ASNSD1: variants seen among roughly 807,000 people sequenced by gnomAD.
ASNSD1 encodes asparagine synthetase domain containing 1, also known as asparagine synthetase domain-containing protein 1.
Under a neutral mutation model 48.3 loss-of-function variants are expected in ASNSD1, and 36 were observed. The observed-to-expected ratio is 0.75, with a 90% confidence interval of 0.57 to 0.99. The LOEUF is 0.99. Ranked by LOEUF, ASNSD1 falls within the 50% of genes least tolerant of loss-of-function variation. ASNSD1 has a pLI of 0.00. For synonymous variants in ASNSD1, 257 were observed against 262.1 expected, an observed-to-expected ratio of 0.98 and a Z score of 0.19; for missense variants, 714 against 758.2, an observed-to-expected ratio of 0.94 and a Z score of 0.69.
At chr2:189,665,630 A>ATGTG (rs1553502080) in intron 3 of ASNSD1, among the ~76,000 whole-genome samples, 179 bp downstream of exon 3, 2 of 97,540 alleles carry the variant, frequency 2.1e-5, no homozygotes, top group Admixed American at 1.1e-4. Context: ...ATATATATAT[A>ATGTG]TATATATATA....
In ASNSD1 at chr2:189,670,364, TAGC is replaced by T; in HGVS notation, c.1647-76_1647-74del. 9 of 1,247,834 alleles carry T rather than the reference TAGC, an allele frequency of 7.2e-6. No homozygotes were observed. The South Asian group carries it at 1.1e-4, about 15-fold the overall frequency. The allele number at this position is 1,247,834 out of a possible 1,614,324, so 77.3% of individuals were successfully genotyped here. A position where few individuals can be genotyped will look rare whatever the true frequency, so the allele number is the denominator to read the frequency against. On this transcript the variant is annotated intron_variant, in intron 5 of 5. Coordinates refer to ENST00000260952, the MANE Select transcript of ASNSD1 (RefSeq NM_019048.4). ...GTTGTGAAACAATTTGGTTAAATTTTAGCTATAAAACTGTGTATAAATCAAAGC... is the reference window on the plus strand; with the variant it reads ...GTTGTGAAACAATTTGGTTAAATTTTTATAAAACTGTGTATAAATCAAAGC...
At position 189,667,791 on chromosome 2, in the gene ASNSD1, G is replaced by A. The variant is rs2032847691; in HGVS notation, c.1492G>A (p.Glu498Lys). Reference protein sequence around the residue: ...KVVLTGIGADEQLAGYSRHRV... With the variant: ...KVVLTGIGADKQLAGYSRHRV... ...AGTTCTCACTGGAATTGGTGCAGAT[G>A]AGCAACTTGCAGGTTATTCTCGTCA... is the stretch of plus-strand genomic sequence containing the variant. Residue 498 changes from glutamate (E) to lysine (K), a missense_variant, in exon 5 of 6, where the codon GAG becomes AAG. Coordinates refer to ENST00000260952, the MANE Select transcript of ASNSD1 (RefSeq NM_019048.4). The A allele has an allele frequency of 6.2e-7, 1 of 1,613,630 alleles. No individual in the cohort carries two copies. Among genetic ancestry groups the A allele is most frequent in the Non-Finnish European group, 8.5e-7 (1 of 1,179,892 alleles).
chr2:189,662,366 G>A (rs1574275554), intron 1 of ASNSD1, among the ~76,000 whole-genome samples: 1 of 152,304 alleles, frequency 6.6e-6, no homozygotes, highest in African/African-American at 2.4e-5. Flanking sequence ...ATGACATCTT[G>A]GGCAAGTCTC....
Position 189,666,289 on chromosome 2 carries a change from G to T in ASNSD1, c.157G>T (p.Val53Phe). Residue 53 changes from valine (V) to phenylalanine (F), a missense_variant, in exon 4 of 6, where the codon GTC (valine) becomes TTC (phenylalanine). Transcript: ENST00000260952. ...CTACCAGTGTTTATTTTCTGCTCAC[G>T]TCCTACACTTGAGGGGTGTTTTGAC... The part of the protein sequence containing the change: ...VNYQCLFSAH[V>F]LHLRGVLTTQ... 4.3e-6 allele frequency: 7 copies of T among 1,614,076 alleles called. No individual in the cohort carries two copies. The highest frequency in any genetic ancestry group is 5.9e-6 in the Non-Finnish European group (7 of 1,180,006).
chr2:189,665,957 C>T, intron 3 of ASNSD1, 84 bp from the exon 4 acceptor site: 1 of 577,512 alleles, frequency 1.7e-6, no homozygotes, highest in Non-Finnish European at 2.8e-6. Flanking sequence ...TTTTGGTAAA[C>T]AGCTTGTGTT....
In ASNSD1 at chr2:189,670,751, A is replaced by C. The variant is rs2032909387; in HGVS notation, c.*25A>C. 3.5e-6 allele frequency: 5 copies of C among 1,424,838 alleles called. No individual in the cohort carries two copies. The South Asian group carries it at 8.0e-5, about 23-fold the overall frequency. The allele number at this position is 1,424,838 out of a possible 1,614,324, so 88.3% of individuals were successfully genotyped here. On this transcript the variant is annotated 3_prime_UTR_variant, in exon 6 of 6. Transcript: ENST00000260952. Reference sequence around the variant, plus strand: ...ATGTGATTCACAATGTAACAATATAAAAATAAGTTTTTATATAATTATATA... The same window carrying C: ...ATGTGATTCACAATGTAACAATATACAAATAAGTTTTTATATAATTATATA...
At chr2:189,662,648 C>G (rs957328045) in intron 1 of ASNSD1, among the ~76,000 whole-genome samples, 1 of 152,158 alleles carries the variant, frequency 6.6e-6, no homozygotes, top group Non-Finnish European at 1.5e-5. Context: ...TTACAGATCC[C>G]TGAGGTGTGT....
At position 189,666,087 on chromosome 2, in the gene ASNSD1, A is replaced by G; in HGVS notation, c.-46A>G. 1.3e-6 allele frequency: 2 copies of G among 1,488,844 alleles called. No homozygotes were observed. Among genetic ancestry groups the G allele is most frequent in the Non-Finnish European group, 1.8e-6 (2 of 1,121,922 alleles). 92.2% of individuals were successfully genotyped at this position (1,488,844 alleles called of 1,614,324 possible). A position where few individuals can be genotyped will look rare whatever the true frequency, so the allele number is the denominator to read the frequency against. On this transcript the variant is annotated 5_prime_UTR_variant, in exon 4 of 6. Coordinates refer to ENST00000260952, the MANE Select transcript of ASNSD1 (RefSeq NM_019048.4). Reference sequence around the variant, plus strand: ...AAGAATACCAAGAAATAGAAAACTTAGACAAGACCAAAATCAAGAAATAGT... The same window carrying G: ...AAGAATACCAAGAAATAGAAAACTTGGACAAGACCAAAATCAAGAAATAGT...
Position 189,667,298 on chromosome 2 carries a change from T to TGC in ASNSD1, c.1166_1167insGC (p.Ala390LeufsTer25). 6.2e-7 allele frequency: 1 copy of TGC among 1,614,038 alleles called. No individual in the cohort carries two copies. The highest frequency in any genetic ancestry group is 8.5e-7 in the Non-Finnish European group (1 of 1,179,970). ...CCTTCAGAAGAATTCTCTAAAGATG[T>TGC]TGCTGCTGCTGCTGCTGACAGTCCT... On this transcript the variant is annotated frameshift_variant, in exon 4 of 6. Transcript: ENST00000260952. LOFTEE classifies it high-confidence loss of function.
chr2:189,663,171 CTAAAT>C (rs2032707390), intron 1 of ASNSD1, among the ~76,000 whole-genome samples: 1 of 150,992 alleles, frequency 6.6e-6, no homozygotes, highest in Non-Finnish European at 1.5e-5. Flanking sequence ...TTTTTTAAAT[CTAAAT>C]CACAACTTAA....
chr2:189,669,608 A>C (rs2032880438), intron 5 of ASNSD1, among the ~76,000 whole-genome samples: 1 of 152,208 alleles, frequency 6.6e-6, no homozygotes, highest in Admixed American at 6.5e-5. Context: ...TGTCCTTTCC[A>C]ATCTCTTAAC....
chr2:189,665,616 A>ATATATATATATATATATG (rs2032778671), intron 3 of ASNSD1, among the ~76,000 whole-genome samples, 165 bp downstream of exon 3: 1 of 107,000 alleles, frequency 9.3e-6, no homozygotes, highest in African/African-American at 3.7e-5. Context: ...ATATATATAT[A>ATATATATATATATATATG]TATATATATA....
chr2:189,661,536 A>C lies in ASNSD1; in HGVS notation c.-297A>C. 5.0e-6 allele frequency: 2 copies of C among 399,228 alleles called. No individual in the cohort carries two copies. The highest frequency in any genetic ancestry group is 8.8e-6 in the Non-Finnish European group (2 of 226,244). The allele number at this position is 399,228 out of a possible 1,614,324, so 24.7% of individuals were successfully genotyped here. ...CTCGGTGGAAATGCCCAGCCGAGGG[A>C]CGCGACCAGAGGACAGCTCTGTGCT... On this transcript the variant is annotated 5_prime_UTR_variant, in exon 1 of 6. Transcript: ENST00000260952.
At chr2:189,665,630 A>ATATATATATATATATATG (rs2032782101) in intron 3 of ASNSD1, among the ~76,000 whole-genome samples, 179 bp downstream of exon 3, 3 of 97,550 alleles carry the variant, frequency 3.1e-5, no homozygotes, top group African/African-American at 1.1e-4. Context: ...ATATATATAT[A>ATATATATATATATATATG]TATATATATA....
At chr2:189,661,751 C>G (rs1252668438) in intron 1 of ASNSD1, 141 bp downstream of exon 1, 4 of 397,452 alleles carry the variant, frequency 1.0e-5, no homozygotes, top group Non-Finnish European at 1.8e-5. Context: ...ATTCATAGCA[C>G]TTGACAGCCA....
rs2032794234 is a variant in ASNSD1 at position 189,666,077 on chromosome 2, T to C, written c.-56T>C. ...GAACTGAAAAAAGAATACCAAGAAA[T>C]AGAAAACTTAGACAAGACCAAAATC... On this transcript the variant is annotated 5_prime_UTR_variant, in exon 4 of 6. Transcript: ENST00000260952. 5 of 1,466,714 alleles carry C rather than the reference T, an allele frequency of 3.4e-6. No homozygotes were observed. The highest frequency in any genetic ancestry group is 1.4e-5 in the African/African-American group (1 of 70,634). The allele number at this position is 1,466,714 out of a possible 1,614,324, so 90.9% of individuals were successfully genotyped here.
chr2:189,665,316 G>A, intron 2 of ASNSD1, 60 bp from the exon 3 acceptor site: 1 of 388,172 alleles, frequency 2.6e-6, no homozygotes, highest in Non-Finnish European at 4.6e-6. Context: ...TAGGGTTTAA[G>A]GATTTTAATA....
chr2:189,666,872 T>A lies in ASNSD1; in HGVS notation c.740T>A (p.Met247Lys). 6.2e-7 allele frequency: 1 copy of A among 1,614,112 alleles called. No individual in the cohort carries two copies. Among genetic ancestry groups the A allele is most frequent in the Non-Finnish European group, 8.5e-7 (1 of 1,180,020 alleles). ...LEKPVVPLNM[M>K]LPQAALETHC... is the part of the protein sequence containing the mutation. Reference sequence around the variant, plus strand: ...AAACCTGTTGTTCCTTTAAATATGATGTTGCCACAAGCTGCATTGGAGACT... The same window carrying A: ...AAACCTGTTGTTCCTTTAAATATGAAGTTGCCACAAGCTGCATTGGAGACT... Residue 247 changes from methionine (M) to lysine (K), a missense_variant, in exon 4 of 6, where the codon ATG (methionine) becomes AAG (lysine). By Grantham distance (95) the Met-to-Lys change is moderately conservative. Coordinates refer to ENST00000260952, the MANE Select transcript of ASNSD1 (RefSeq NM_019048.4).
rs2032863042 is a variant in ASNSD1, at chr2:189,668,617, C to T, written c.1646+672C>T. On this transcript the variant is annotated intron_variant, in intron 5 of 5. Coordinates refer to ENST00000260952, the MANE Select transcript of ASNSD1 (RefSeq NM_019048.4). ...TTCCTCCCAGTAAGGGCATAAGCCC[C>T]ACCTGCAAGCCTTCTCCAGTGTTAT... Among the ~76,000 whole-genome samples, 7 of 152,370 alleles carry T rather than the reference C, an allele frequency of 4.6e-5. No individual in the cohort carries two copies. In the South Asian group the frequency reaches 1.5e-3, roughly 32 times the overall value.
Sources: gnomAD v4.1 joint callset for allele counts (sites outside exome capture counted in the v4.1 genomes callset) on GRCh38, gnomAD v4.1.1 for gene constraint, MANE v1.5 for transcripts, NCBI Gene and HGNC (gene_info 2026-07-23, HGNC 2026-07-21) for gene names.